Variants in RABL3 observed in about 807,000 individuals in gnomAD.
RABL3 encodes the protein RAB, member of RAS oncogene family like 3, also known as rab-like protein 3.
In RABL3, 31 loss-of-function variants were observed where a neutral mutation model predicts 31.8. That is an observed-to-expected ratio of 0.97 (90% CI 0.73 to 1.31). RABL3 has a LOEUF of 1.31. Among genes scored for constraint, RABL3 ranks in the 40% most tolerant of loss-of-function variants. RABL3 has a pLI of 0.00. For synonymous variants in RABL3, 97 were observed against 99.9 expected, an observed-to-expected ratio of 0.97 and a Z score of 0.18; for missense variants, 263 against 279.6, an observed-to-expected ratio of 0.94 and a Z score of 0.42.
Position 120,710,191 on chromosome 3 carries a change from C to A in RABL3, c.139-282G>T, listed in dbSNP as rs577587090. On this transcript the variant is annotated intron_variant, in intron 2 of 7. Coordinates refer to ENST00000273375, the MANE Select transcript of RABL3 (RefSeq NM_173825.5). ...GATCCATCATACAGTCACTCCTTTG[C>A]CCCTCTCTCACATTGTATTCATCTG... 3.9e-5 allele frequency among the ~76,000 whole-genome samples: 6 copies of A among 152,140 alleles called. No individual in the cohort carries two copies. The South Asian group carries it at 1.2e-3, about 32-fold the overall frequency.
chr3:120,718,552 A>G (rs1460351789), intron 2 of RABL3, among the ~76,000 whole-genome samples: 1 of 152,242 alleles, frequency 6.6e-6, no homozygotes, highest in Non-Finnish European at 1.5e-5. Flanking sequence ...TCAAGGCATT[A>G]TTCACCTATA....
intron 2 of RABL3, among the ~76,000 whole-genome samples, chr3:120,724,159 A>T (rs1013062045): frequency 6.6e-6 from 1 of 152,248 alleles, no homozygotes; most frequent in African/African-American, 2.4e-5. Flanking sequence ...CTAATAACAG[A>T]CAAAAAGAGA....
chr3:120,700,071 T>C (rs900127189), intron 4 of RABL3, among the ~76,000 whole-genome samples: 9 of 152,198 alleles, frequency 5.9e-5, no homozygotes, highest in Admixed American at 2.0e-4. Flanking sequence ...CATACATATA[T>C]AGTTTGCTCT....
At chr3:120,721,656 AG>A (rs1338936565) in intron 2 of RABL3, among the ~76,000 whole-genome samples, 1 of 152,246 alleles carries the variant, frequency 6.6e-6, no homozygotes, top group Non-Finnish European at 1.5e-5. Flanking sequence ...CACCCAATAC[AG>A]GAGCACCCAG....
rs1708636643 is a variant in RABL3, at chr3:120,713,734, T to C, written c.139-3825A>G. On this transcript the variant is annotated intron_variant, in intron 2 of 7. Coordinates refer to ENST00000273375, the MANE Select transcript of RABL3 (RefSeq NM_173825.5). ...TTCTCATTTATTCAGCTTTTGACTT[T>C]TTCTTGAAAACAAAATCAAGACCTA... Among the ~76,000 whole-genome samples, 4 of 152,346 alleles carry C rather than the reference T, an allele frequency of 2.6e-5. No homozygotes were observed. In the South Asian group the frequency reaches 8.3e-4, roughly 32 times the overall value.
At chr3:120,725,142 G>T (rs1456580003) in intron 2 of RABL3, among the ~76,000 whole-genome samples, 1 of 152,000 alleles carries the variant, frequency 6.6e-6, no homozygotes, top group East Asian at 1.9e-4. Flanking sequence ...TGAAGGATAT[G>T]AACAGACACT....
intron 1 of RABL3, among the ~76,000 whole-genome samples, chr3:120,734,011 T>A (rs946566344): frequency 6.6e-6 from 1 of 152,228 alleles, no homozygotes; most frequent in Non-Finnish European, 1.5e-5. Flanking sequence ...TTCTTTTAGC[T>A]TAGGATTGTC....
intron 5 of RABL3, 118 bp downstream of exon 5, chr3:120,698,305 T>C: frequency 1.0e-6 from 1 of 974,810 alleles, no homozygotes; most frequent in Non-Finnish European, 1.5e-6. Context: ...TAGACTAGAA[T>C]CCAAATAGCC....
At chr3:120,694,568 G>A (rs1282905216) in intron 5 of RABL3, among the ~76,000 whole-genome samples, 2 of 152,040 alleles carry the variant, frequency 1.3e-5, no homozygotes, top group Admixed American at 6.6e-5. Flanking sequence ...GAAAACCAGA[G>A]AGAGAGAGCC....
chr3:120,731,259 C>A (rs1413447857), intron 1 of RABL3, among the ~76,000 whole-genome samples: 2 of 152,170 alleles, frequency 1.3e-5, no homozygotes, highest in Non-Finnish European at 2.9e-5. Context: ...ATGCTGAGGT[C>A]CCCTCCATGG....
intron 1 of RABL3, chr3:120,738,490 C>T (rs912190079): frequency 6.6e-6 from 1 of 152,424 alleles, no homozygotes; most frequent in Admixed American, 6.5e-5. Context: ...GTCCTGCCCC[C>T]ACGGTCTGAC....
At chr3:120,690,524 T>A (rs759033042) in intron 6 of RABL3, 37 bp from the exon 7 acceptor site, 1 of 1,540,204 alleles carries the variant, frequency 6.5e-7, no homozygotes, top group Non-Finnish European at 8.9e-7. Context: ...TTAGCACACA[T>A]ACCTGCAAAA....
rs1708355541 is a variant in RABL3, at chr3:120,689,648, A to G, written c.*175T>C. 1.1e-5 allele frequency: 6 copies of G among 549,270 alleles called. No homozygotes were observed. The allele number at this position is 549,270 out of a possible 1,614,324, so 34.0% of individuals were successfully genotyped here. A position where few individuals can be genotyped will look rare whatever the true frequency, so the allele number is the denominator to read the frequency against. On this transcript the variant is annotated 3_prime_UTR_variant, in exon 8 of 8. Transcript: ENST00000273375. ...TAAGGAACACAGAGAACAGGGACAA[A>G]GTTTGGACCTCCCGTATTGTCACTT...
In RABL3 at chr3:120,686,677, C is replaced by T. The variant is rs1708311178; in HGVS notation, c.*3146G>A. 1 of 152,158 alleles carries T rather than the reference C, an allele frequency of 6.6e-6. No individual in the cohort carries two copies. Among genetic ancestry groups the T allele is most frequent in the Non-Finnish European group, 1.5e-5 (1 of 68,036 alleles). 9.4% of individuals were successfully genotyped at this position (152,158 alleles called of 1,614,324 possible). ...CAAATGAGGCACCTATAACGAAAGA[C>T]AGATTATTGAGAAAAGCACACACAT... On this transcript the variant is annotated 3_prime_UTR_variant, in exon 8 of 8. Transcript: ENST00000273375.
At chr3:120,734,680 T>A (rs11720614) in intron 1 of RABL3, among the ~76,000 whole-genome samples, 1 of 152,080 alleles carries the variant, frequency 6.6e-6, no homozygotes, top group Non-Finnish European at 1.5e-5. Flanking sequence ...GGCTGTGGGT[T>A]TGCCATAAAT....
At chr3:120,733,157 G>A (rs1708908159) in intron 1 of RABL3, among the ~76,000 whole-genome samples, 1 of 152,176 alleles carries the variant, frequency 6.6e-6, no homozygotes, top group East Asian at 1.9e-4. Flanking sequence ...CACAATGGAT[G>A]AACTAGTTTA....
chr3:120,732,393 C>G (rs1377105613), intron 1 of RABL3, among the ~76,000 whole-genome samples: 1 of 152,092 alleles, frequency 6.6e-6, no homozygotes, highest in Non-Finnish European at 1.5e-5. Flanking sequence ...CTAGAGAGCA[C>G]TTAAAACACA....
At chr3:120,730,853 AG>A (rs777427349) in intron 1 of RABL3, 66 bp from the exon 2 acceptor site, 98 of 977,406 alleles carry the variant, frequency 1.0e-4, no homozygotes, top group Non-Finnish European at 1.5e-4. Context: ...GGAAAGAGTA[AG>A]ACTAATACTA....
chr3:120,742,201 G>A (rs902997230), intron 1 of RABL3, among the ~76,000 whole-genome samples: 1 of 149,330 alleles, frequency 6.7e-6, no homozygotes, highest in African/African-American at 2.5e-5. Context: ...ATACACTCTA[G>A]GCTGGGGTCG....
Sources: gnomAD v4.1 joint callset for allele counts (sites outside exome capture counted in the v4.1 genomes callset) on GRCh38, gnomAD v4.1.1 for gene constraint, MANE v1.5 for transcripts, NCBI Gene and HGNC (gene_info 2026-07-23, HGNC 2026-07-21) for gene names.